KIAA1549: variants seen among roughly 807,000 people sequenced by gnomAD.
KIAA1549 encodes UPF0606 protein KIAA1549.
In KIAA1549, 70 loss-of-function variants were observed where a neutral mutation model predicts 156.4. That is an observed-to-expected ratio of 0.45 (90% CI 0.37 to 0.55). The LOEUF (loss-of-function observed/expected upper bound fraction) is 0.55, where lower values mean the gene tolerates loss of function less well. KIAA1549 is among the 20% of genes least tolerant of loss of function. The pLI, the probability that KIAA1549 is intolerant of heterozygous loss-of-function variation, is 0.00. For synonymous variants in KIAA1549, 1,103 were observed against 1,066.4 expected, an observed-to-expected ratio of 1.03 and a Z score of -0.67; for missense variants, 2,428 against 2,540.9, an observed-to-expected ratio of 0.96 and a Z score of 0.96.
chr7:138,976,220 G>A (rs934577864), intron 1 of KIAA1549, among the ~76,000 whole-genome samples: 10 of 152,078 alleles, frequency 6.6e-5, no homozygotes, highest in Admixed American at 2.6e-4. Context: ...GGGATTACAG[G>A]CACCTGCCAC....
intron 1 of KIAA1549, among the ~76,000 whole-genome samples, chr7:138,970,668 C>A (rs756023970): frequency 1.3e-5 from 2 of 152,160 alleles, no homozygotes; most frequent in African/African-American, 2.4e-5. Flanking sequence ...AGCTCCCAGG[C>A]GATGCTGATG....
chr7:138,838,976 C>T (rs896844682), intron 19 of KIAA1549, among the ~76,000 whole-genome samples: 5 of 152,002 alleles, frequency 3.3e-5, no homozygotes, highest in South Asian at 2.1e-4. Context: ...ACCAGCCTGG[C>T]CAACATAGTG....
At chr7:138,907,911 TC>T (rs1398156568) in intron 5 of KIAA1549, among the ~76,000 whole-genome samples, 1 of 151,794 alleles carries the variant, frequency 6.6e-6, no homozygotes, top group African/African-American at 2.4e-5. Flanking sequence ...AAGTGCCCCA[TC>T]CCCTAGGAAG....
At chr7:138,857,278 G>A (rs1810421236) in intron 16 of KIAA1549, among the ~76,000 whole-genome samples, 2 of 152,036 alleles carry the variant, frequency 1.3e-5, no homozygotes, top group South Asian at 4.1e-4. Context: ...CTGCTTCTCT[G>A]GAGAACCCTG....
intron 5 of KIAA1549, among the ~76,000 whole-genome samples, chr7:138,908,692 G>A (rs557620521): frequency 6.6e-6 from 1 of 152,280 alleles, no homozygotes; most frequent in Admixed American, 6.5e-5. Flanking sequence ...TTCCCCCATT[G>A]GATATTTAGG....
chr7:138,903,452 T>C, intron 8 of KIAA1549, 136 bp downstream of exon 8: 1 of 860,626 alleles, frequency 1.2e-6, no homozygotes, highest in Non-Finnish European at 1.7e-6. Flanking sequence ...AATATAGCGA[T>C]CAGTGGAAAT....
rs1223463795 is a variant in KIAA1549, at chr7:138,835,262, G to T, written c.*2644C>A. 4.7e-6 allele frequency: 1 copy of T among 214,702 alleles called. No individual in the cohort carries two copies. The highest frequency in any genetic ancestry group is 6.9e-5 in the East Asian group (1 of 14,510). The allele number at this position is 214,702 out of a possible 1,614,324, so 13.3% of individuals were successfully genotyped here. A position where few individuals can be genotyped will look rare whatever the true frequency, so the allele number is the denominator to read the frequency against. On this transcript the variant is annotated 3_prime_UTR_variant, in exon 20 of 20. Transcript: ENST00000422774. ...AAACTGTTGTGGCAGGCGTCGAGAG[G>T]AAGCAAGTACAAACTGTGTGTGCTT...
intron 10 of KIAA1549, among the ~76,000 whole-genome samples, chr7:138,886,164 A>G (rs1405530204): frequency 3.3e-5 from 5 of 152,216 alleles, no homozygotes; most frequent in Non-Finnish European, 7.3e-5. Context: ...AAACAGATCT[A>G]AGGAGTGATT....
At chr7:138,872,747 T>C (rs1810976405) in intron 12 of KIAA1549, among the ~76,000 whole-genome samples, 1 of 152,142 alleles carries the variant, frequency 6.6e-6, no homozygotes, top group Non-Finnish European at 1.5e-5. Flanking sequence ...CTCTACAATT[T>C]TTTTTAATTA....
intron 8 of KIAA1549, among the ~76,000 whole-genome samples, chr7:138,900,132 C>A (rs1197563994): frequency 6.6e-6 from 1 of 152,232 alleles, no homozygotes; most frequent in Non-Finnish European, 1.5e-5. Flanking sequence ...GTTTGTAACA[C>A]TGCCCTGTGC....
At chr7:138,842,830 T>C (rs1398435113) in intron 18 of KIAA1549, among the ~76,000 whole-genome samples, 3 of 152,228 alleles carry the variant, frequency 2.0e-5, no homozygotes, top group African/African-American at 2.4e-5. Flanking sequence ...CTCTTCATCT[T>C]AAGTAGCTGC....
intron 14 of KIAA1549, among the ~76,000 whole-genome samples, chr7:138,869,248 C>A (rs894932631): frequency 3.3e-5 from 5 of 152,198 alleles, no homozygotes; most frequent in African/African-American, 1.2e-4. Context: ...TTGGAAGAGA[C>A]AGATTAAGCC....
Position 138,861,071 on chromosome 7 carries a change from G to A in KIAA1549, c.5247+68C>T. 4 of 1,519,580 alleles carry A rather than the reference G, an allele frequency of 2.6e-6. No homozygotes were observed. In the South Asian group the frequency reaches 4.5e-5, roughly 17 times the overall value. The allele number at this position is 1,519,580 out of a possible 1,614,324, so 94.1% of individuals were successfully genotyped here. ...CCACGGTTTTGTGCGGAGCCTGAAAGTCAGGCAGTCAGGCAACAAAGCTTC... is the reference window on the plus strand; with the variant it reads ...CCACGGTTTTGTGCGGAGCCTGAAAATCAGGCAGTCAGGCAACAAAGCTTC... On this transcript the variant is annotated intron_variant, in intron 16 of 19. Coordinates refer to ENST00000422774, the MANE Select transcript of KIAA1549 (RefSeq NM_001164665.2).
At chr7:138,870,329 T>C (rs759874690) in intron 13 of KIAA1549, among the ~76,000 whole-genome samples, 1 of 151,986 alleles carries the variant, frequency 6.6e-6, no homozygotes, top group Non-Finnish European at 1.5e-5. Flanking sequence ...ACTGGAGTCT[T>C]GTCACCATCC....
intron 1 of KIAA1549, among the ~76,000 whole-genome samples, chr7:138,958,627 C>G (rs1477247885): frequency 6.6e-6 from 1 of 152,162 alleles, no homozygotes; most frequent in Non-Finnish European, 1.5e-5. Context: ...TCATTTAAAT[C>G]TCTTTCTCTC....
chr7:138,885,465 G>A (rs1487000822), intron 10 of KIAA1549, among the ~76,000 whole-genome samples: 1 of 152,058 alleles, frequency 6.6e-6, no homozygotes, highest in Non-Finnish European at 1.5e-5. Flanking sequence ...CTGCTGTGCT[G>A]GCCACTGCAC....
chr7:138,962,428 T>C (rs560693662), intron 1 of KIAA1549, among the ~76,000 whole-genome samples: 2 of 152,322 alleles, frequency 1.3e-5, no homozygotes, highest in East Asian at 3.9e-4. Context: ...CCTTGTGGAC[T>C]AGTCTTGTGA....
At chr7:138,854,312 G>T (rs1810319347) in intron 16 of KIAA1549, among the ~76,000 whole-genome samples, 2 of 152,178 alleles carry the variant, frequency 1.3e-5, no homozygotes, top group South Asian at 4.1e-4. Context: ...AGACAGTAAG[G>T]TCTGCTTGTG....
intron 1 of KIAA1549, among the ~76,000 whole-genome samples, chr7:138,960,378 C>T (rs1363602424): frequency 2.3e-5 from 3 of 130,528 alleles, no homozygotes; most frequent in Admixed American, 7.1e-5. Context: ...GGCACTATCT[C>T]GGCTCACTGC....
Sources: allele counts gnomAD v4.1 joint callset (sites outside exome capture counted in the v4.1 genomes callset), GRCh38; gene constraint gnomAD v4.1.1; transcripts MANE v1.5; gene names NCBI Gene and HGNC (gene_info 2026-07-23, HGNC 2026-07-21).